The following DCC variants were observed in gnomAD, a reference collection of about 807,000 sequenced individuals.
DCC encodes DCC netrin 1 receptor.
In DCC, 58 loss-of-function variants were observed where a neutral mutation model predicts 172.5. That is an observed-to-expected ratio of 0.34 (90% CI 0.27 to 0.42). The LOEUF (loss-of-function observed/expected upper bound fraction) is 0.42, where lower values mean the gene tolerates loss of function less well. DCC is among the 10% of genes least tolerant of loss of function. The pLI is 1.00. For missense variants in DCC, 1,740 were observed against 1,791.0 expected, an observed-to-expected ratio of 0.97 and a Z score of 0.51; for synonymous variants, 709 against 644.5, an observed-to-expected ratio of 1.10 and a Z score of -1.52.
intron 5 of DCC, among the ~76,000 whole-genome samples, chr18:52,974,479 T>C (rs2041082073): frequency 6.6e-6 from 1 of 152,190 alleles, no homozygotes; most frequent in South Asian, 2.1e-4. Context: ...TGTTAATAAA[T>C]GCCAGAGGAC....
At chr18:53,206,158 CAT>C (rs1420972322) in intron 10 of DCC, among the ~76,000 whole-genome samples, 1 of 884 alleles carries the variant, frequency 1.1e-3, no homozygotes, top group Non-Finnish European at 2.6e-3. Context: ...TTATATAATA[CAT>C]ATATACATAT....
At chr18:53,479,888 G>T (rs1046508135) in intron 25 of DCC, among the ~76,000 whole-genome samples, 1 of 152,116 alleles carries the variant, frequency 6.6e-6, no homozygotes, top group Non-Finnish European at 1.5e-5. Context: ...TCTCACACAA[G>T]GTTTTGGAGA....
In DCC at chr18:52,768,580, T is replaced by A. The variant is rs150799127; in HGVS notation, c.412+16206T>A. 2.1e-3 allele frequency among the ~76,000 whole-genome samples: 315 copies of A among 152,354 alleles called. No homozygotes were observed. The East Asian group carries it at 0.021, about 10-fold the overall frequency. Reference sequence around the variant, plus strand: ...ACTGATTGCAGAATTCTTAGTCCCCTGTCTGTTTATTTCAACATTTGTATT... The same window carrying A: ...ACTGATTGCAGAATTCTTAGTCCCCAGTCTGTTTATTTCAACATTTGTATT... On this transcript the variant is annotated intron_variant, in intron 2 of 28. Transcript: ENST00000442544.
chr18:53,396,066 A>G (rs754456675), intron 17 of DCC, among the ~76,000 whole-genome samples: 19 of 152,120 alleles, frequency 1.2e-4, no homozygotes, highest in Non-Finnish European at 4.4e-5. Flanking sequence ...AATGAAATAT[A>G]CAATTTTCAT....
At chr18:53,034,963 T>A (rs1243194543) in intron 5 of DCC, among the ~76,000 whole-genome samples, 3 of 152,140 alleles carry the variant, frequency 2.0e-5, no homozygotes, top group Non-Finnish European at 4.4e-5. Context: ...CTTCCCACTT[T>A]CCTACACAAT....
In DCC at chr18:52,340,742, G is replaced by A; in HGVS notation, c.-46G>A. The A allele has an allele frequency of 7.0e-7, 1 of 1,433,710 alleles. No homozygotes were observed. Among genetic ancestry groups the A allele is most frequent in the Non-Finnish European group, 9.8e-7 (1 of 1,016,440 alleles). The allele number at this position is 1,433,710 out of a possible 1,614,324, so 88.8% of individuals were successfully genotyped here. ...CGTGTGTGAGTGCATGTGTGTGAGT[G>A]CTGCCGCTGCCCGCGACCCCTGGCC... On this transcript the variant is annotated 5_prime_UTR_variant, in exon 1 of 29. Transcript: ENST00000442544.
intron 1 of DCC, among the ~76,000 whole-genome samples, chr18:52,673,652 T>TA (rs1237718895): frequency 6.6e-6 from 1 of 152,004 alleles, no homozygotes; most frequent in Admixed American, 6.6e-5. Context: ...AAGAGGGGAG[T>TA]AAATAAGGCC....
rs530174396 is a variant in DCC at position 53,327,693 on chromosome 18, C to T, written c.2164+5536C>T. Among the ~76,000 whole-genome samples, 22 of 152,154 alleles carry T rather than the reference C, an allele frequency of 1.4e-4. No homozygotes were observed. The South Asian group carries it at 4.1e-3, about 29-fold the overall frequency. On this transcript the variant is annotated intron_variant, in intron 14 of 28. Transcript: ENST00000442544. ...AACCCAAACTGGTAATAAATGGGTT[C>T]GCTGCAAATTCATTTCATTTAAGAA...
At chr18:52,856,351 C>A (rs530867779) in intron 2 of DCC, among the ~76,000 whole-genome samples, 2 of 151,788 alleles carry the variant, frequency 1.3e-5, no homozygotes, top group Non-Finnish European at 2.9e-5. Context: ...CAAGGCCGGG[C>A]GCGGTGGCTC....
chr18:53,312,933 A>C (rs1406636245), intron 13 of DCC, among the ~76,000 whole-genome samples: 1 of 48,702 alleles, frequency 2.1e-5, no homozygotes, highest in South Asian at 7.4e-4. Flanking sequence ...AGGGGAGGGA[A>C]GGGAAAGGGA....
At chr18:52,560,350 G>A (rs752337136) in intron 1 of DCC, among the ~76,000 whole-genome samples, 10 of 152,120 alleles carry the variant, frequency 6.6e-5, no homozygotes, top group African/African-American at 1.4e-4. Flanking sequence ...TGTTCTTTCC[G>A]TTTATTCAAC....
chr18:52,403,761 CT>C (rs1986529879), intron 1 of DCC, among the ~76,000 whole-genome samples: 1 of 151,974 alleles, frequency 6.6e-6, no homozygotes, highest in Non-Finnish European at 1.5e-5. Flanking sequence ...AATGCATTTG[CT>C]GCTAATTCAA....
At chr18:53,411,918 C>T (rs962296360) in intron 20 of DCC, among the ~76,000 whole-genome samples, 1 of 152,088 alleles carries the variant, frequency 6.6e-6, no homozygotes, top group Admixed American at 6.6e-5. Context: ...TAGTGTTTTG[C>T]AAATGCTTCA....
intron 2 of DCC, among the ~76,000 whole-genome samples, chr18:52,799,816 TATA>T (rs1241736187): frequency 2.0e-5 from 3 of 152,190 alleles, no homozygotes; most frequent in Non-Finnish European, 4.4e-5. Flanking sequence ...TAACTAGCAA[TATA>T]ATAATAATGC....
At chr18:53,083,659 A>G (rs1448493110) in intron 7 of DCC, among the ~76,000 whole-genome samples, 2 of 152,164 alleles carry the variant, frequency 1.3e-5, no homozygotes, top group African/African-American at 4.8e-5. Flanking sequence ...CAAAAAAAAT[A>G]TGATGGCATA....
At chr18:52,981,706 T>C (rs1269525211) in intron 5 of DCC, among the ~76,000 whole-genome samples, 1 of 152,194 alleles carries the variant, frequency 6.6e-6, no homozygotes, top group African/African-American at 2.4e-5. Context: ...CATCTTTATG[T>C]ATAACTCACT....
intron 7 of DCC, among the ~76,000 whole-genome samples, chr18:53,122,965 A>G (rs138588553): frequency 3.9e-5 from 6 of 152,100 alleles, no homozygotes; most frequent in Non-Finnish European, 4.4e-5. Flanking sequence ...GAATTCTAGA[A>G]CAACCAAAAA....
intron 7 of DCC, among the ~76,000 whole-genome samples, chr18:53,119,913 C>G (rs1206592828): frequency 6.6e-6 from 1 of 151,838 alleles, no homozygotes; most frequent in Non-Finnish European, 1.5e-5. Flanking sequence ...AAGGAATATA[C>G]AAATTATGCC....
At chr18:52,875,314 T>G (rs1188470262) in intron 2 of DCC, among the ~76,000 whole-genome samples, 1 of 152,078 alleles carries the variant, frequency 6.6e-6, no homozygotes, top group African/African-American at 2.4e-5. Context: ...AATTAAAAAT[T>G]ATCTTCTCTA....
Sources: gnomAD v4.1 joint callset for allele counts (sites outside exome capture counted in the v4.1 genomes callset) on GRCh38, gnomAD v4.1.1 for gene constraint, MANE v1.5 for transcripts, NCBI Gene and HGNC (gene_info 2026-07-23, HGNC 2026-07-21) for gene names.